Variants in ASIC2 observed in about 807,000 individuals in gnomAD.
The protein encoded by ASIC2 is acid sensing ion channel subunit 2.
ASIC2 carries 25 observed loss-of-function variants against 57.3 expected under a neutral mutation model. The observed-to-expected ratio is 0.44, with a 90% CI of 0.32 to 0.61. The LOEUF is 0.61. Among genes scored for constraint, ASIC2 ranks in the 20% least tolerant of loss-of-function variants. The pLI is 0.06. For missense variants in ASIC2, 641 were observed against 738.1 expected, an observed-to-expected ratio of 0.87 and a Z score of 1.52; for synonymous variants, 319 against 307.5, an observed-to-expected ratio of 1.04 and a Z score of -0.39.
At chr17:33,616,061 A>G (rs1905593046) in intron 1 of ASIC2, among the ~76,000 whole-genome samples, 1 of 152,222 alleles carries the variant, frequency 6.6e-6, no homozygotes, top group African/African-American at 2.4e-5. Flanking sequence ...TCAAAGTGAC[A>G]AAATGCATTA....
intron 1 of ASIC2, among the ~76,000 whole-genome samples, chr17:33,878,865 G>A (rs1394963901): frequency 3.9e-5 from 6 of 152,138 alleles, no homozygotes; most frequent in South Asian, 2.1e-4. Flanking sequence ...GAGAAAGGTC[G>A]GGTTACCCAC....
intron 1 of ASIC2, among the ~76,000 whole-genome samples, chr17:33,331,015 C>A (rs1317463536): frequency 6.6e-6 from 1 of 152,134 alleles, no homozygotes; most frequent in Non-Finnish European, 1.5e-5. Context: ...ATGAACCGGG[C>A]TGCACAGGAG....
chr17:33,665,168 G>A (rs777919172), intron 1 of ASIC2, among the ~76,000 whole-genome samples: 23 of 152,068 alleles, frequency 1.5e-4, no homozygotes, highest in Non-Finnish European at 2.1e-4. Context: ...AGGAGATACT[G>A]TTTATTTCCT....
At chr17:33,453,986 T>C (rs1253138460) in intron 1 of ASIC2, among the ~76,000 whole-genome samples, 1 of 152,258 alleles carries the variant, frequency 6.6e-6, no homozygotes, top group Admixed American at 6.5e-5. Flanking sequence ...TTTTCCTATA[T>C]GGTTGTAACA....
At chr17:33,488,910 G>T (rs1913662371) in intron 1 of ASIC2, among the ~76,000 whole-genome samples, 1 of 152,036 alleles carries the variant, frequency 6.6e-6, no homozygotes, top group African/African-American at 2.4e-5. Context: ...GGTCTTCTTG[G>T]ATCTGATGCT....
intron 1 of ASIC2, among the ~76,000 whole-genome samples, chr17:33,968,587 T>G (rs892477907): frequency 1.3e-5 from 2 of 152,170 alleles, no homozygotes; most frequent in Non-Finnish European, 2.9e-5. Context: ...CCTCTATATT[T>G]AGCCTGAAAT....
intron 1 of ASIC2, among the ~76,000 whole-genome samples, chr17:33,849,800 C>T (rs1913715016): frequency 6.6e-6 from 1 of 152,162 alleles, no homozygotes; most frequent in Non-Finnish European, 1.5e-5. Context: ...GTTTGGACTC[C>T]TGAAGGCAAC....
At chr17:33,474,382 A>G (rs1391683437) in intron 1 of ASIC2, among the ~76,000 whole-genome samples, 3 of 152,212 alleles carry the variant, frequency 2.0e-5, no homozygotes. Flanking sequence ...CCGCCAAAGA[A>G]AAAAAGAAAA....
chr17:33,585,315 G>A (rs937834654), intron 1 of ASIC2, among the ~76,000 whole-genome samples: 5 of 152,096 alleles, frequency 3.3e-5, no homozygotes, highest in African/African-American at 1.2e-4. Flanking sequence ...CTCTGGCCCT[G>A]GGAACTTACA....
At chr17:33,464,007 T>A (rs1453516171) in intron 1 of ASIC2, among the ~76,000 whole-genome samples, 1 of 143,556 alleles carries the variant, frequency 7.0e-6, no homozygotes, top group Non-Finnish European at 1.6e-5. Flanking sequence ...GAACACCTAA[T>A]CACAAAACAA....
chr17:33,357,671 G>C (rs973713857), intron 1 of ASIC2, among the ~76,000 whole-genome samples: 1 of 152,126 alleles, frequency 6.6e-6, no homozygotes, highest in African/African-American at 2.4e-5. Flanking sequence ...CCTGATGCTC[G>C]ATGGAATGTC....
chr17:33,309,864 G>A (rs1009070692), intron 1 of ASIC2, among the ~76,000 whole-genome samples: 3 of 148,900 alleles, frequency 2.0e-5, no homozygotes, highest in Non-Finnish European at 3.0e-5. Context: ...CAGGTGGTAG[G>A]CATTAATTAA....
In ASIC2 at chr17:33,044,261, CCCATCCATCCATCCAT is replaced by C. The variant is rs3052916; in HGVS notation, c.988-15885_988-15870del. ...ATCTGTCCATCTGTTCATCCATCTA[CCCATCCATCCATCCAT>C]CCATCCATCCATCCATCCATCCATC... On this transcript the variant is annotated intron_variant, in intron 3 of 9. Coordinates refer to ENST00000225823, the MANE Select transcript of ASIC2 (RefSeq NM_183377.2). Among the ~76,000 whole-genome samples the C allele has an allele frequency of 4.4e-3, 600 of 137,724 alleles. 3 individuals carry two copies. Among genetic ancestry groups the C allele is most frequent in the African/African-American group, 0.014 (518 of 37,322 alleles). The allele number at this position is 137,724 out of a possible 152,430, so 90.4% of individuals were successfully genotyped here. A position where few individuals can be genotyped will look rare whatever the true frequency, so the allele number is the denominator to read the frequency against.
At chr17:33,986,651 G>A (rs906220061) in intron 1 of ASIC2, among the ~76,000 whole-genome samples, 6 of 152,086 alleles carry the variant, frequency 3.9e-5, no homozygotes, top group Middle Eastern at 3.4e-3. Context: ...AGGGCCCCTC[G>A]ATGCCACCAC....
intron 1 of ASIC2, among the ~76,000 whole-genome samples, chr17:33,535,205 G>A (rs1166195990): frequency 6.6e-6 from 1 of 152,024 alleles, no homozygotes; most frequent in Non-Finnish European, 1.5e-5. Flanking sequence ...TTCTCAGGTT[G>A]CCTGCATTAG....
Position 34,142,436 on chromosome 17 carries a change from G to A in ASIC2, c.555+13542C>T, listed in dbSNP as rs184273255. On this transcript the variant is annotated intron_variant, in intron 1 of 9. Coordinates refer to the ASIC2 transcript ENST00000359872. ...AGGTGGGGATGACAAGAGAGAGAAC[G>A]GTGAGAAAAATCTCACATAGGTTGA... Among the ~76,000 whole-genome samples, 21 of 152,244 alleles carry A rather than the reference G, an allele frequency of 1.4e-4. No individual in the cohort carries two copies. The East Asian group carries it at 1.5e-3, about 11-fold the overall frequency.
chr17:34,063,190 A>G (rs1909034688), intron 1 of ASIC2, among the ~76,000 whole-genome samples: 1 of 152,214 alleles, frequency 6.6e-6, no homozygotes, highest in Non-Finnish European at 1.5e-5. Flanking sequence ...TGGGTTTCAT[A>G]CCAGGAATGC....
Position 33,527,189 on chromosome 17 carries a change from G to A in ASIC2, c.556-415122C>T, listed in dbSNP as rs571583413. ...TTCTTCAGATGTGTGTGCCAGGGAG[G>A]AGGAGATGGACAGTAGGGTGCACTG... On this transcript the variant is annotated intron_variant, in intron 1 of 9. Coordinates refer to the ASIC2 transcript ENST00000359872. Among the ~76,000 whole-genome samples, 39 of 152,306 alleles carry A rather than the reference G, an allele frequency of 2.6e-4. No individual in the cohort carries two copies. In the South Asian group the frequency reaches 7.9e-3, roughly 31 times the overall value.
At chr17:33,243,818 C>A (rs180903286) in intron 1 of ASIC2, among the ~76,000 whole-genome samples, 1 of 152,066 alleles carries the variant, frequency 6.6e-6, no homozygotes, top group African/African-American at 2.4e-5. Context: ...TTCCATATAC[C>A]CATTTCCAGC....
Sources: allele counts gnomAD v4.1 joint callset (sites outside exome capture counted in the v4.1 genomes callset), GRCh38; gene constraint gnomAD v4.1.1; transcripts MANE v1.5; gene names NCBI Gene and HGNC (gene_info 2026-07-23, HGNC 2026-07-21).